The following TRIO variants were observed in gnomAD, a reference collection of about 807,000 sequenced individuals.
The protein encoded by TRIO is trio Rho guanine nucleotide exchange factor.
Under a neutral mutation model 351.9 loss-of-function variants are expected in TRIO, and 58 were observed. The observed-to-expected ratio is 0.16, with a 90% CI of 0.13 to 0.21. The LOEUF (loss-of-function observed/expected upper bound fraction) is 0.21, where lower values mean the gene tolerates loss of function less well. TRIO is among the 10% of genes least tolerant of loss of function. The pLI is 1.00. For missense variants in TRIO, 3,201 were observed against 4,027.8 expected, an observed-to-expected ratio of 0.79 and a Z score of 5.56; for synonymous variants, 1,758 against 1,595.7, an observed-to-expected ratio of 1.10 and a Z score of -2.42.
chr5:14,501,980 A>G (rs1757326269), intron 53 of TRIO, among the ~76,000 whole-genome samples: 3 of 152,202 alleles, frequency 2.0e-5, no homozygotes, highest in Admixed American at 6.5e-5. Context: ...GTGGACATGT[A>G]CACAGGGTTC....
chr5:14,496,142 T>C (rs1156789298), intron 49 of TRIO, among the ~76,000 whole-genome samples: 3 of 152,200 alleles, frequency 2.0e-5, no homozygotes, highest in Non-Finnish European at 4.4e-5. Flanking sequence ...GGTATGTACA[T>C]TTTTTAGACA....
At chr5:14,197,391 C>T (rs779310583) in intron 1 of TRIO, among the ~76,000 whole-genome samples, 21 of 152,202 alleles carry the variant, frequency 1.4e-4, no homozygotes, top group Non-Finnish European at 2.9e-4. Flanking sequence ...TGAGAATGCT[C>T]TTTACCCTGT....
At chr5:14,304,023 G>C (rs767867004) in intron 7 of TRIO, among the ~76,000 whole-genome samples, 2 of 152,202 alleles carry the variant, frequency 1.3e-5, no homozygotes, top group African/African-American at 4.8e-5. Context: ...CTGACGTGTA[G>C]CTGCAAGGAG....
intron 33 of TRIO, among the ~76,000 whole-genome samples, chr5:14,416,372 T>C (rs534985862): frequency 3.4e-4 from 51 of 152,030 alleles, no homozygotes; most frequent in South Asian, 1.3e-3. Flanking sequence ...AATGTGAGCA[T>C]TGAGGTGCAT....
rs746676823 is a variant in TRIO, at chr5:14,487,473, C to T, written c.6845C>T (p.Ser2282Leu). The T allele has an allele frequency of 3.4e-5, 37 of 1,093,184 alleles. No individual in the cohort carries two copies. The highest frequency in any genetic ancestry group is 4.2e-5 in the Non-Finnish European group (37 of 881,650). The allele number at this position is 1,093,184 out of a possible 1,614,324, so 67.7% of individuals were successfully genotyped here. A position where few individuals can be genotyped will look rare whatever the true frequency, so the allele number is the denominator to read the frequency against. ...CTGTCTTGTCTTACAGCCTTGACAT[C>T]GCCAATCGAGTACCAGAGGAACCAC... ...NQRNFLNALTSPIEYQRNHSG... is the reference protein window; with the variant it reads ...NQRNFLNALTLPIEYQRNHSG... Residue 2282 changes from serine (S) to leucine (L), a missense_variant, in exon 48 of 57, where the codon TCG becomes TTG. Ser to Leu is a moderately radical substitution (Grantham distance 145). Coordinates refer to ENST00000344204, the MANE Select transcript of TRIO (RefSeq NM_007118.4).
intron 1 of TRIO, among the ~76,000 whole-genome samples, chr5:14,239,093 G>C (rs1466372940): frequency 6.6e-6 from 1 of 152,058 alleles, no homozygotes; most frequent in Non-Finnish European, 1.5e-5. Context: ...TGTGCCCAGG[G>C]TGTTTTTTAT....
At chr5:14,244,981 G>A (rs889340255) in intron 1 of TRIO, among the ~76,000 whole-genome samples, 1 of 152,172 alleles carries the variant, frequency 6.6e-6, no homozygotes, top group Admixed American at 6.5e-5. Flanking sequence ...ATGCAGCTCC[G>A]AGTTAAGTAC....
At chr5:14,446,830 T>C (rs1472155296) in intron 34 of TRIO, among the ~76,000 whole-genome samples, 2 of 152,226 alleles carry the variant, frequency 1.3e-5, no homozygotes, top group Non-Finnish European at 2.9e-5. Context: ...TTGTGGTTTA[T>C]TGGGGGGAAA....
chr5:14,230,774 C>T (rs1423975402), intron 1 of TRIO, among the ~76,000 whole-genome samples: 2 of 151,984 alleles, frequency 1.3e-5, no homozygotes, highest in Admixed American at 6.6e-5. Flanking sequence ...GAGTCTTAAT[C>T]GTTTTGTAAG....
chr5:14,398,820 T>C (rs906672290), intron 29 of TRIO, 60 bp from the exon 30 acceptor site: 1 of 1,477,920 alleles, frequency 6.8e-7, no homozygotes, highest in African/African-American at 1.4e-5. Context: ...TAATGCTTTC[T>C]TGTGCATCAG....
intron 3 of TRIO, among the ~76,000 whole-genome samples, chr5:14,281,353 T>G (rs1735976444): frequency 6.6e-6 from 1 of 151,766 alleles, no homozygotes; most frequent in Admixed American, 6.6e-5. Context: ...TGCCACACAC[T>G]TTTAAACAAC....
At chr5:14,167,948 C>T (rs913196644) in intron 1 of TRIO, among the ~76,000 whole-genome samples, 1 of 152,158 alleles carries the variant, frequency 6.6e-6, no homozygotes, top group Admixed American at 6.5e-5. Context: ...ATATCAGAAT[C>T]ATCTGATAAT....
At chr5:14,291,949 C>T (rs572338069) in intron 5 of TRIO, among the ~76,000 whole-genome samples, 4 of 152,180 alleles carry the variant, frequency 2.6e-5, no homozygotes, top group East Asian at 1.9e-4. Flanking sequence ...CACCTCTAGT[C>T]TCATGTTTTA....
chr5:14,501,455 G>T (rs2126696254), intron 53 of TRIO, among the ~76,000 whole-genome samples: 1 of 152,358 alleles, frequency 6.6e-6, no homozygotes, highest in Middle Eastern at 3.4e-3. Context: ...AGGTGGATCA[G>T]ACACGGGTTC....
intron 1 of TRIO, among the ~76,000 whole-genome samples, chr5:14,187,530 C>T (rs961534703): frequency 2.0e-5 from 3 of 152,156 alleles, no homozygotes; most frequent in Non-Finnish European, 4.4e-5. Flanking sequence ...TTTTGAAAAC[C>T]ATTGTACCGA....
chr5:14,316,165 G>T (rs542516083), intron 8 of TRIO, among the ~76,000 whole-genome samples: 15 of 152,174 alleles, frequency 9.9e-5, no homozygotes, highest in Non-Finnish European at 2.2e-4. Context: ...TGCAGTTTCT[G>T]TTAGTTGATT....
intron 9 of TRIO, among the ~76,000 whole-genome samples, chr5:14,321,300 G>A (rs1308385512): frequency 1.3e-5 from 2 of 152,242 alleles, no homozygotes; most frequent in Non-Finnish European, 2.9e-5. Flanking sequence ...TGGATGGAGA[G>A]GTATGAGGTG....
intron 1 of TRIO, among the ~76,000 whole-genome samples, chr5:14,180,964 C>T (rs553705087): frequency 3.3e-5 from 5 of 151,948 alleles, no homozygotes; most frequent in African/African-American, 9.7e-5. Flanking sequence ...TAGGGAAATC[C>T]TTCAGAAAAA....
chr5:14,476,069 T>C (rs987347677), intron 40 of TRIO, among the ~76,000 whole-genome samples: 1 of 152,238 alleles, frequency 6.6e-6, no homozygotes, highest in Non-Finnish European at 1.5e-5. Flanking sequence ...AACCTAGAAG[T>C]TGATTTTGAT....
Sources: gnomAD v4.1 joint callset for allele counts (sites outside exome capture counted in the v4.1 genomes callset) on GRCh38, gnomAD v4.1.1 for gene constraint, MANE v1.5 for transcripts, NCBI Gene and HGNC (gene_info 2026-07-23, HGNC 2026-07-21) for gene names.